BCL2L1: variants seen among roughly 807,000 people sequenced by gnomAD.
The protein encoded by BCL2L1 is BCL2 like 1.
Under a neutral mutation model 18.7 loss-of-function variants are expected in BCL2L1, and 1 was observed. That is an observed-to-expected ratio of 0.05 (90% CI 0.02 to 0.25). The LOEUF is 0.25. Ranked by LOEUF, BCL2L1 falls within the 10% of genes least tolerant of loss-of-function variation. The pLI, the probability that BCL2L1 is intolerant of heterozygous loss-of-function variation, is 1.00. For synonymous variants in BCL2L1, 103 were observed against 122.7 expected, an observed-to-expected ratio of 0.84 and a Z score of 1.06; for missense variants, 207 against 304.9, an observed-to-expected ratio of 0.68 and a Z score of 2.39.
chr20:31,673,846 T>C (rs1028191667), intron 2 of BCL2L1, among the ~76,000 whole-genome samples: 6 of 152,192 alleles, frequency 3.9e-5, no homozygotes, highest in African/African-American at 1.4e-4. Flanking sequence ...TCTCCCCCAC[T>C]TGACTGTGTG....
upstream of BCL2L1, chr20:31,723,616 G>GC (rs1353946108): frequency 2.0e-6 from 2 of 985,372 alleles, no homozygotes; most frequent in Non-Finnish European, 2.4e-6. Flanking sequence ...GAGGGGCCTC[G>GC]CCCCCGGCGG....
chr20:31,705,174 T>A (rs1248192251), intron 2 of BCL2L1, among the ~76,000 whole-genome samples: 1 of 152,216 alleles, frequency 6.6e-6, no homozygotes, highest in African/African-American at 2.4e-5. Flanking sequence ...AACTTCTCTA[T>A]AGGAATAATA....
chr20:31,680,388 T>A (rs906573754), intron 2 of BCL2L1, among the ~76,000 whole-genome samples: 11 of 152,176 alleles, frequency 7.2e-5, no homozygotes, highest in African/African-American at 2.7e-4. Context: ...TCCCCCCTGG[T>A]TCCCTGGGTG....
chr20:31,707,646 C>T (rs2061388841), intron 2 of BCL2L1, among the ~76,000 whole-genome samples: 1 of 151,798 alleles, frequency 6.6e-6, no homozygotes, highest in African/African-American at 2.4e-5. Context: ...GGCGTGGTGG[C>T]GCATGCCTGT....
chr20:31,717,818 C>A (rs972490855), intron 2 of BCL2L1, among the ~76,000 whole-genome samples: 1 of 152,238 alleles, frequency 6.6e-6, no homozygotes, highest in Non-Finnish European at 1.5e-5. Context: ...TTGCTCCCAA[C>A]AATTACGTTT....
chr20:31,717,129 C>G (rs2122827460), intron 2 of BCL2L1, among the ~76,000 whole-genome samples: 1 of 152,316 alleles, frequency 6.6e-6, no homozygotes, highest in Middle Eastern at 3.4e-3. Context: ...AAGCAGTACA[C>G]TGGGAATTAC....
chr20:31,710,251 A>G (rs73903639), intron 2 of BCL2L1, among the ~76,000 whole-genome samples: 4,308 of 152,302 alleles, frequency 0.028, 202 homozygotes, highest in African/African-American at 0.095. Context: ...ACATGTAAAC[A>G]TGGCGACCTC....
intron 2 of BCL2L1, among the ~76,000 whole-genome samples, chr20:31,685,784 T>G (rs2060946444): frequency 6.6e-6 from 1 of 152,210 alleles, no homozygotes; most frequent in Admixed American, 6.5e-5. Context: ...GTAAGCTTTC[T>G]TGGCAGACAA....
At chr20:31,680,025 C>G (rs558082601) in intron 2 of BCL2L1, among the ~76,000 whole-genome samples, 2 of 152,262 alleles carry the variant, frequency 1.3e-5, no homozygotes, top group South Asian at 4.1e-4. Flanking sequence ...TTGTGCTTCT[C>G]ATAGTGTCTC....
intron 2 of BCL2L1, among the ~76,000 whole-genome samples, chr20:31,721,153 C>G (rs1005431531): frequency 6.6e-6 from 1 of 152,142 alleles, no homozygotes; most frequent in African/African-American, 2.4e-5. Flanking sequence ...GTGCCATACA[C>G]GCAAACTTTG....
In BCL2L1 at chr20:31,665,987, C is replaced by T. The variant is rs768692210; in HGVS notation, c.664G>A (p.Gly222Ser). ...RWFLTGMTVA[G>S]VVLLGSLFSR... is the part of the protein sequence containing the mutation. ...AAGAGTGAGCCCAGCAGAACCACGCCGGCCACAGTCATGCCCGTCAGGAAC... is the reference window on the plus strand; with the variant it reads ...AAGAGTGAGCCCAGCAGAACCACGCTGGCCACAGTCATGCCCGTCAGGAAC... The change falls in exon 3 of 3, where the codon GGC becomes AGC. Residue 222 changes from glycine (G) to serine (S), a missense_variant. Gly to Ser is a moderately conservative substitution (Grantham distance 56). Coordinates refer to ENST00000307677, the MANE Select transcript of BCL2L1 (RefSeq NM_138578.3). 18 of 1,613,932 alleles carry T rather than the reference C, an allele frequency of 1.1e-5. No homozygotes were observed. The Admixed American group carries it at 1.2e-4, about 10-fold the overall frequency.
chr20:31,667,531 T>G (rs1019970751), intron 2 of BCL2L1, among the ~76,000 whole-genome samples: 1 of 102,048 alleles, frequency 9.8e-6, no homozygotes, highest in Non-Finnish European at 1.9e-5. Flanking sequence ...AATGAGTTAC[T>G]GGCTGGTTCT....
At chr20:31,720,663 G>A (rs1807152451) in intron 2 of BCL2L1, 1 of 981,196 alleles carries the variant, frequency 1.0e-6, no homozygotes, top group African/African-American at 1.7e-5. Flanking sequence ...ACACTGTAAG[G>A]CAAGGAGAGC....
At position 31,720,604 on chromosome 20, in the gene BCL2L1, A is replaced by G. The variant is rs1011290335; in HGVS notation, c.564+1051T>C. 3 of 985,240 alleles carry G rather than the reference A, an allele frequency of 3.0e-6. No individual in the cohort carries two copies. In the African/African-American group the frequency reaches 5.2e-5, roughly 17 times the overall value. The allele number at this position is 985,240 out of a possible 1,614,324, so 61.0% of individuals were successfully genotyped here. A position where few individuals can be genotyped will look rare whatever the true frequency, so the allele number is the denominator to read the frequency against. On this transcript the variant is annotated intron_variant, in intron 2 of 2. Coordinates refer to ENST00000307677, the MANE Select transcript of BCL2L1 (RefSeq NM_138578.3). ...AGAACTCTCCCTCCCTGGAAAGGGA[A>G]TTTGCTGGTGTCAGTCACTGTGCTC...
At chr20:31,685,913 CA>C (rs1331198248) in intron 2 of BCL2L1, among the ~76,000 whole-genome samples, 1 of 152,182 alleles carries the variant, frequency 6.6e-6, no homozygotes, top group African/African-American at 2.4e-5. Context: ...CCCAAAAGTG[CA>C]GTGAACAGGT....
chr20:31,665,889 C>A lies in BCL2L1; in HGVS notation c.*60G>T, dbSNP rs967769834. ...TCTCCTGGTGGCAATGGCGGCTGGA[C>A]GGAGGATGTGGTGGAGCAGAGAAGG... On this transcript the variant is annotated 3_prime_UTR_variant, in exon 3 of 3. Transcript: ENST00000307677. The A allele has an allele frequency of 6.3e-7, 1 of 1,586,644 alleles. No homozygotes were observed. The highest frequency in any genetic ancestry group is 8.6e-7 in the Non-Finnish European group (1 of 1,163,834).
chr20:31,681,026 G>A (rs181701044), intron 2 of BCL2L1, among the ~76,000 whole-genome samples: 10 of 152,346 alleles, frequency 6.6e-5, no homozygotes, highest in Admixed American at 5.2e-4. Flanking sequence ...CACGCTTGAG[G>A]TGCTCCAGGA....
intron 2 of BCL2L1, among the ~76,000 whole-genome samples, chr20:31,699,090 G>A (rs886716335): frequency 3.9e-5 from 6 of 152,182 alleles, no homozygotes; most frequent in Admixed American, 6.5e-5. Flanking sequence ...AGAGGGAGTC[G>A]GGGAGGGCCT....
chr20:31,676,630 C>A lies in BCL2L1; in HGVS notation c.565-10544G>T, dbSNP rs143537295. Among the ~76,000 whole-genome samples, 689 of 152,266 alleles carry A rather than the reference C, an allele frequency of 4.5e-3. 3 individuals are homozygous for A. Among genetic ancestry groups the A allele is most frequent in the African/African-American group, 0.012 (488 of 41,558 alleles). On this transcript the variant is annotated intron_variant, in intron 2 of 2. Coordinates refer to ENST00000307677, the MANE Select transcript of BCL2L1 (RefSeq NM_138578.3). The stretch of plus-strand genomic sequence containing the variant: ...GAAAAACCAATACTCACCCTTGGAA[C>A]AGAGTCGGAGACTCCAGGGACCTTA...
Sources: allele counts gnomAD v4.1 joint callset (sites outside exome capture counted in the v4.1 genomes callset), GRCh38; gene constraint gnomAD v4.1.1; transcripts MANE v1.5; gene names NCBI Gene and HGNC (gene_info 2026-07-23, HGNC 2026-07-21).